The following LTBP1 variants were observed in gnomAD, a reference collection of about 807,000 sequenced individuals.
LTBP1 encodes the protein latent transforming growth factor beta binding protein 1.
In LTBP1, 129 loss-of-function variants were observed where a neutral mutation model predicts 207.6. The observed-to-expected ratio is 0.62, with a 90% confidence interval of 0.54 to 0.72. The LOEUF (loss-of-function observed/expected upper bound fraction) is 0.72. LTBP1 is among the 30% of genes least tolerant of loss of function. LTBP1 has a pLI of 0.00. For missense variants in LTBP1, 2,281 were observed against 2,217.2 expected, an observed-to-expected ratio of 1.03 and a Z score of -0.58; for synonymous variants, 963 against 833.7, an observed-to-expected ratio of 1.16 and a Z score of -2.67.
At chr2:32,989,671 A>T (rs1684110459) in intron 2 of LTBP1, among the ~76,000 whole-genome samples, 1 of 152,166 alleles carries the variant, frequency 6.6e-6, no homozygotes, top group Non-Finnish European at 1.5e-5. Flanking sequence ...AGTTGTATAG[A>T]TTCTGAGGAA....
chr2:33,015,795 T>C (rs1688292092), intron 2 of LTBP1, among the ~76,000 whole-genome samples: 1 of 152,074 alleles, frequency 6.6e-6, no homozygotes, highest in Admixed American at 6.6e-5. Flanking sequence ...CTTCCAATCA[T>C]GGCATGAGGC....
chr2:33,325,629 A>G (rs1313511170), intron 24 of LTBP1, among the ~76,000 whole-genome samples: 2 of 152,246 alleles, frequency 1.3e-5, no homozygotes, highest in African/African-American at 4.8e-5. Context: ...AGAGCCTTTT[A>G]AAAACTTAGA....
chr2:33,059,191 G>A (rs1477852337), intron 3 of LTBP1, among the ~76,000 whole-genome samples: 1 of 152,170 alleles, frequency 6.6e-6, no homozygotes, highest in Non-Finnish European at 1.5e-5. Context: ...TTGCTATTTT[G>A]TGTCCTATTA....
chr2:32,981,328 C>A (rs1389854971), intron 2 of LTBP1, among the ~76,000 whole-genome samples: 1 of 152,052 alleles, frequency 6.6e-6, no homozygotes, highest in Admixed American at 6.5e-5. Context: ...ATATGTTGTA[C>A]TTGGTATTGG....
chr2:33,031,065 C>T (rs1156699879), intron 3 of LTBP1, among the ~76,000 whole-genome samples: 1 of 151,964 alleles, frequency 6.6e-6, no homozygotes, highest in Non-Finnish European at 1.5e-5. Flanking sequence ...AGGGAAGGTA[C>T]TTTTATGCAA....
chr2:33,073,436 T>G (rs746882636), intron 3 of LTBP1, among the ~76,000 whole-genome samples: 2 of 152,158 alleles, frequency 1.3e-5, no homozygotes, highest in Non-Finnish European at 2.9e-5. Context: ...AATCACCCCT[T>G]TTTACAGTTT....
intron 3 of LTBP1, among the ~76,000 whole-genome samples, chr2:33,060,258 A>C (rs2077199846): frequency 6.6e-6 from 1 of 152,180 alleles, no homozygotes; most frequent in Non-Finnish European, 1.5e-5. Context: ...GAGGAAATAA[A>C]TGTGGAGAGG....
intron 25 of LTBP1, among the ~76,000 whole-genome samples, chr2:33,346,563 A>C (rs973036914): frequency 6.6e-6 from 1 of 152,072 alleles, no homozygotes; most frequent in Non-Finnish European, 1.5e-5. Flanking sequence ...ACGTGCCTAT[A>C]ATCCCAGCTA....
At chr2:33,038,848 C>T (rs1306767009) in intron 3 of LTBP1, among the ~76,000 whole-genome samples, 1 of 151,762 alleles carries the variant, frequency 6.6e-6, no homozygotes. Context: ...TTTTTTTTGC[C>T]AGAGCCTCAT....
In LTBP1 at chr2:32,947,313, C is replaced by T; in HGVS notation, c.-12C>T. 1 of 1,231,304 alleles carries T rather than the reference C, an allele frequency of 8.1e-7. No homozygotes were observed. The highest frequency in any genetic ancestry group is 1.0e-6 in the Non-Finnish European group (1 of 987,044). The allele number at this position is 1,231,304 out of a possible 1,614,324, so 76.3% of individuals were successfully genotyped here. Reference sequence around the variant, plus strand: ...GACCGCGCGCGACCGGTCGCGCCCGCTGGGGCCCGCGATGGCGGGGGCCTG... The same window carrying T: ...GACCGCGCGCGACCGGTCGCGCCCGTTGGGGCCCGCGATGGCGGGGGCCTG... On this transcript the variant is annotated 5_prime_UTR_variant, in exon 1 of 34. Transcript: ENST00000404816.
chr2:33,275,184 C>G, intron 17 of LTBP1, 94 bp downstream of exon 17: 1 of 1,443,076 alleles, frequency 6.9e-7, no homozygotes, highest in Non-Finnish European at 9.4e-7. Flanking sequence ...CCAGACAACC[C>G]AGAATTTTTT....
chr2:33,133,914 T>C (rs892034797), intron 4 of LTBP1, among the ~76,000 whole-genome samples: 2 of 152,120 alleles, frequency 1.3e-5, no homozygotes, highest in African/African-American at 2.4e-5. Context: ...ATACTTTTAG[T>C]CTAGGGCTTA....
intron 2 of LTBP1, among the ~76,000 whole-genome samples, chr2:32,998,843 C>T (rs1349294438): frequency 6.6e-6 from 1 of 152,182 alleles, no homozygotes; most frequent in African/African-American, 2.4e-5. Flanking sequence ...TGGCACCCTG[C>T]CCTCACATCC....
chr2:32,966,951 T>C (rs1558449284), intron 2 of LTBP1, among the ~76,000 whole-genome samples: 2 of 152,146 alleles, frequency 1.3e-5, no homozygotes, highest in Non-Finnish European at 1.5e-5. Context: ...AGAATTAGTA[T>C]ACTTTCTCCC....
In LTBP1 at chr2:33,021,113, C is replaced by T; in HGVS notation, c.770C>T (p.Ala257Val). The T allele has an allele frequency of 1.2e-6, 2 of 1,614,084 alleles. No individual in the cohort carries two copies. The highest frequency in any genetic ancestry group is 1.6e-4 in the Middle Eastern group (1 of 6,062). The stretch of plus-strand genomic sequence containing the variant: ...GCAAAGCATACTTCATCTAAGAAGG[C>T]AGACACTCTACCAAGAGTCAGCCCT... ...QAAKHTSSKK[A>V]DTLPRVSPVA... Residue 257 changes from alanine (A) to valine (V), a missense_variant, in exon 3 of 34, where the codon GCA becomes GTA. By Grantham distance (64) the Ala-to-Val change is moderately conservative. This residue lies in a region of LTBP1 where 555 missense variants were observed against 491.0 expected (regional missense o/e 1.13). Transcript: ENST00000404816.
At chr2:33,071,289 G>T (rs1346508008) in intron 3 of LTBP1, among the ~76,000 whole-genome samples, 1 of 152,224 alleles carries the variant, frequency 6.6e-6, no homozygotes, top group Non-Finnish European at 1.5e-5. Context: ...AGGACAGCTA[G>T]CTTGCCTTCC....
At chr2:33,131,093 T>C (rs2081763469) in intron 4 of LTBP1, among the ~76,000 whole-genome samples, 1 of 152,134 alleles carries the variant, frequency 6.6e-6, no homozygotes, top group Admixed American at 6.5e-5. Flanking sequence ...CAAAATGACC[T>C]CCAGCATCCT....
intron 3 of LTBP1, among the ~76,000 whole-genome samples, chr2:33,091,826 G>C (rs944768171): frequency 6.6e-6 from 1 of 152,106 alleles, no homozygotes; most frequent in Non-Finnish European, 1.5e-5. Flanking sequence ...AGCTCTTCCA[G>C]GGAAACTTTC....
intron 24 of LTBP1, among the ~76,000 whole-genome samples, chr2:33,332,381 A>G (rs1321479744): frequency 6.8e-6 from 1 of 147,756 alleles, no homozygotes; most frequent in Non-Finnish European, 1.5e-5. Context: ...CCAAAAAAAA[A>G]AAAAAAAAAA....
Sources: allele counts gnomAD v4.1 joint callset (sites outside exome capture counted in the v4.1 genomes callset), GRCh38; gene constraint gnomAD v4.1.1; regional missense constraint gnomAD v4.1.1; transcripts MANE v1.5; gene names NCBI Gene and HGNC (gene_info 2026-07-23, HGNC 2026-07-21).